DRAM2: variants seen among roughly 807,000 people sequenced by gnomAD.
The protein encoded by DRAM2 is DNA damage-regulated autophagy modulator protein 2.
Under a neutral mutation model 33.5 loss-of-function variants are expected in DRAM2, and 26 were observed. That is an observed-to-expected ratio of 0.78 (90% CI 0.57 to 1.08). DRAM2 has a LOEUF of 1.08. Ranked by LOEUF, DRAM2 falls within the 50% of genes least tolerant of loss-of-function variation. The probability of loss-of-function intolerance (pLI) is 0.00; values close to 1 mark genes in which losing one functional copy is unlikely to be tolerated. For synonymous variants in DRAM2, 98 were observed against 109.5 expected, an observed-to-expected ratio of 0.89 and a Z score of 0.66; for missense variants, 311 against 318.1, an observed-to-expected ratio of 0.98 and a Z score of 0.17.
intron 6 of DRAM2, among the ~76,000 whole-genome samples, 173 bp from the exon 7 acceptor site, chr1:111,120,866 T>C (rs325920): frequency 0.25 from 37,801 of 151,956 alleles, 5,827 homozygotes; most frequent in African/African-American, 0.42. Flanking sequence ...TAATACTCAG[T>C]TTAAACCTAA....
At chr1:111,119,134 GATAGAACAGGATC>G (rs1161583454) in intron 8 of DRAM2, among the ~76,000 whole-genome samples, 1 of 151,868 alleles carries the variant, frequency 6.6e-6, no homozygotes, top group Non-Finnish European at 1.5e-5. Context: ...AAATAGCTAA[GATAGAACAGGATC>G]ATTTTTACTC....
intron 9 of DRAM2, 135 bp from the exon 10 acceptor site, chr1:111,118,402 T>G: frequency 1.6e-6 from 1 of 623,084 alleles, no homozygotes; most frequent in Non-Finnish European, 2.8e-6. Context: ...TGTTTTACTG[T>G]CAAAGGTATC....
rs1649270709 is a variant in DRAM2 at position 111,118,106 on chromosome 1, C to A, written c.*54G>T. 1 of 1,559,632 alleles carries A rather than the reference C, an allele frequency of 6.4e-7. No homozygotes were observed. The highest frequency in any genetic ancestry group is 8.8e-7 in the Non-Finnish European group (1 of 1,131,686). On this transcript the variant is annotated 3_prime_UTR_variant, in exon 10 of 10. Coordinates refer to ENST00000484310, the MANE Select transcript of DRAM2 (RefSeq NM_001349884.2). ...GAGAAGAATAAGCAACTTCTGTGAA[C>A]CTTTCCCCAATCCCTGAGAATCATA...
intron 3 of DRAM2, among the ~76,000 whole-genome samples, chr1:111,132,642 TGA>T (rs1314306595): frequency 6.6e-6 from 1 of 151,596 alleles, no homozygotes; most frequent in Non-Finnish European, 1.5e-5. Flanking sequence ...GATTATTGAG[TGA>T]GAGAACAGGA....
At chr1:111,119,257 T>C (rs574983554) in intron 8 of DRAM2, among the ~76,000 whole-genome samples, 1 of 152,024 alleles carries the variant, frequency 6.6e-6, no homozygotes, top group Non-Finnish European at 1.5e-5. Flanking sequence ...TAGTAAGTGC[T>C]GTGTTTACGA....
chr1:111,135,197 T>C (rs988366550), intron 3 of DRAM2, among the ~76,000 whole-genome samples: 1 of 152,212 alleles, frequency 6.6e-6, no homozygotes, highest in African/African-American at 2.4e-5. Flanking sequence ...TGGAAATACT[T>C]AAACTTTATT....
intron 4 of DRAM2, among the ~76,000 whole-genome samples, chr1:111,128,195 C>A (rs1167454795): frequency 1.4e-5 from 2 of 138,136 alleles, no homozygotes; most frequent in African/African-American, 5.5e-5. Context: ...AACAGCTAAA[C>A]CTTTTGGATA....
At chr1:111,126,051 C>T (rs76984409) in intron 5 of DRAM2, among the ~76,000 whole-genome samples, 176 bp downstream of exon 5, 5,582 of 151,732 alleles carry the variant, frequency 0.037, 166 homozygotes, top group Non-Finnish European at 0.051. Flanking sequence ...CCCATAAGTC[C>T]GCATTTCTAG....
At chr1:111,134,230 A>G (rs325936) in intron 3 of DRAM2, among the ~76,000 whole-genome samples, 104,631 of 151,250 alleles carry the variant, frequency 0.69, 36,734 homozygotes, top group African/African-American at 0.82. Context: ...TAAAAATATA[A>G]GAATACTTTT....
At chr1:111,121,084 A>C (rs1283911584) in intron 6 of DRAM2, among the ~76,000 whole-genome samples, 1 of 152,116 alleles carries the variant, frequency 6.6e-6, no homozygotes, top group Non-Finnish European at 1.5e-5. Context: ...ATAAATATAA[A>C]CTTCAGAAAT....
chr1:111,128,260 T>G (rs1292983571), intron 4 of DRAM2, among the ~76,000 whole-genome samples: 1 of 152,018 alleles, frequency 6.6e-6, no homozygotes, highest in African/African-American at 2.4e-5. Flanking sequence ...TTAATCATTT[T>G]GCAGATGAAG....
chr1:111,124,276 T>A lies in DRAM2; in HGVS notation c.339+466A>T, dbSNP rs185349943. 3.7e-4 allele frequency among the ~76,000 whole-genome samples: 56 copies of A among 152,340 alleles called. 1 individual carries two copies. The East Asian group carries it at 0.01, about 27-fold the overall frequency. On this transcript the variant is annotated intron_variant, in intron 6 of 9. Transcript: ENST00000484310. Reference sequence around the variant, plus strand: ...GAGAAAAAGCTAGAAGACCTACAGTTCTTCCTTTCATTTCCTCATATACAA... The same window carrying A: ...GAGAAAAAGCTAGAAGACCTACAGTACTTCCTTTCATTTCCTCATATACAA...
chr1:111,135,043 G>T (rs1277036782), intron 3 of DRAM2, among the ~76,000 whole-genome samples: 2 of 152,156 alleles, frequency 1.3e-5, no homozygotes, highest in African/African-American at 4.8e-5. Context: ...GTGATGAAAA[G>T]GAACAAATTT....
rs546537102 is a variant in DRAM2 at position 111,117,572 on chromosome 1, C to G, written c.*588G>C. On this transcript the variant is annotated 3_prime_UTR_variant, in exon 10 of 10. Transcript: ENST00000484310. Reference sequence around the variant, plus strand: ...GCATTGTGGCCAGAAAAAAAAAAATCGTTACCTACAAAATCTCTTGGGCAA... The same window carrying G: ...GCATTGTGGCCAGAAAAAAAAAAATGGTTACCTACAAAATCTCTTGGGCAA... 1 of 152,372 alleles carries G rather than the reference C, an allele frequency of 6.6e-6. No individual in the cohort carries two copies. The highest frequency in any genetic ancestry group is 2.4e-5 in the African/African-American group (1 of 41,372). The allele number at this position is 152,372 out of a possible 1,614,324, so 9.4% of individuals were successfully genotyped here.
At chr1:111,124,521 A>G (rs1650611944) in intron 6 of DRAM2, among the ~76,000 whole-genome samples, 1 of 152,222 alleles carries the variant, frequency 6.6e-6, no homozygotes, top group African/African-American at 2.4e-5. Flanking sequence ...GGATCCTAAA[A>G]AAGTTAAAAT....
At chr1:111,139,477 A>G (rs1381608781) in intron 2 of DRAM2, 24 bp downstream of exon 2, 4 of 152,280 alleles carry the variant, frequency 2.6e-5, no homozygotes, top group African/African-American at 9.7e-5. Flanking sequence ...TCCAGCCACC[A>G]AAGTATCTGA....
intron 5 of DRAM2, among the ~76,000 whole-genome samples, chr1:111,125,206 T>C (rs1650779685): frequency 6.6e-6 from 1 of 152,114 alleles, no homozygotes; most frequent in Non-Finnish European, 1.5e-5. Flanking sequence ...AACCTTAAGG[T>C]TGTATTATGG....
In DRAM2 at chr1:111,118,792, T is replaced by C. The variant is rs371511384; in HGVS notation, c.693+13A>G. 1.6e-5 allele frequency: 25 copies of C among 1,588,302 alleles called. No homozygotes were observed. The African/African-American group carries it at 2.7e-4, about 17-fold the overall frequency. On this transcript the variant is annotated intron_variant, in intron 9 of 9. Coordinates refer to ENST00000484310, the MANE Select transcript of DRAM2 (RefSeq NM_001349884.2). ...AAGTCTGACTGAATAAATCTAATAT[T>C]GTGCCTTCTTACCTGAAAATCACGA...
At chr1:111,134,293 C>T (rs1046364406) in intron 3 of DRAM2, among the ~76,000 whole-genome samples, 62 of 151,660 alleles carry the variant, frequency 4.1e-4, no homozygotes, top group African/African-American at 1.4e-3. Flanking sequence ...GAAGGAGTAT[C>T]TTCTCATATT....
Sources: gnomAD v4.1 joint callset for allele counts (sites outside exome capture counted in the v4.1 genomes callset) on GRCh38, gnomAD v4.1.1 for gene constraint, MANE v1.5 for transcripts, NCBI Gene and HGNC (gene_info 2026-07-23, HGNC 2026-07-21) for gene names.